Variants in POU3F3 observed in about 807,000 individuals in gnomAD.
The protein encoded by POU3F3 is POU class 3 homeobox 3, also known as POU domain, class 3, transcription factor 3.
Under a neutral mutation model 8.6 loss-of-function variants are expected in POU3F3, and 1 was observed. That is an observed-to-expected ratio of 0.12 (90% CI 0.04 to 0.55). POU3F3 has a LOEUF of 0.55. Ranked by LOEUF, POU3F3 falls within the 20% of genes least tolerant of loss-of-function variation. The pLI is 0.91. For synonymous variants in POU3F3, 418 were observed against 327.4 expected (o/e 1.28, Z -2.99); for missense variants, 577 against 690.7 (o/e 0.84, Z 1.84).
chr2:104,891,943 C>T, the POU3F3 span, among the ~76,000 whole-genome samples: 2 of 152,138 alleles, frequency 1.3e-5, no homozygotes, highest in Non-Finnish European at 2.9e-5. Context: ...GCCTAAAGCG[C>T]ATTATGCTTA....
the POU3F3 span, among the ~76,000 whole-genome samples, chr2:104,873,904 AGAGGAAG>A: frequency 6.6e-6 from 1 of 152,174 alleles, no homozygotes; most frequent in Non-Finnish European, 1.5e-5. Context: ...GGCGCACAGA[AGAGGAAG>A]GATCGTTTTG....
chr2:104,872,718 C>A, the POU3F3 span: 2 of 208,540 alleles, frequency 9.6e-6, no homozygotes, highest in East Asian at 3.3e-4. This position sits in a 1 kb window ranked among gnomAD's most constrained non-coding sequence, Gnocchi z 4.6. Context: ...ACCTACCGCG[C>A]GGGAAAGTTC....
chr2:104,858,818 G>T (rs985370481), downstream of POU3F3, among the ~76,000 whole-genome samples: 1 of 152,154 alleles, frequency 6.6e-6, no homozygotes, highest in African/African-American at 2.4e-5. Context: ...TTTAGTGGAT[G>T]TCTTTAGTGT....
At chr2:104,864,806 T>C in the POU3F3 span, among the ~76,000 whole-genome samples, 1 of 152,222 alleles carries the variant, frequency 6.6e-6, no homozygotes, top group Admixed American at 6.5e-5. Context: ...AATAACCTTT[T>C]AAAATAGATG....
chr2:104,855,410 A>T lies in POU3F3; in HGVS notation c.-101A>T, dbSNP rs1304525731. The T allele has an allele frequency of 7.7e-5, 24 of 312,728 alleles. No homozygotes were observed. Among genetic ancestry groups the T allele is most frequent in the Non-Finnish European group, 8.3e-5 (23 of 276,032 alleles). The allele number at this position is 312,728 out of a possible 1,614,324, so 19.4% of individuals were successfully genotyped here. A position where few individuals can be genotyped will look rare whatever the true frequency, so the allele number is the denominator to read the frequency against. The stretch of plus-strand genomic sequence containing the variant: ...GGGAAGGAGGGGGGGAGGAGGCGGG[A>T]GGCGGGGGGCGCGGCGGCGGCGGCG... On this transcript the variant is annotated 5_prime_UTR_variant, in exon 1 of 1. Transcript: ENST00000361360.
chr2:104,897,100 A>G, the POU3F3 span, among the ~76,000 whole-genome samples: 1 of 152,202 alleles, frequency 6.6e-6, no homozygotes, highest in Non-Finnish European at 1.5e-5. Flanking sequence ...GTCCAGAAGT[A>G]GAGGAATTGG....
the POU3F3 span, among the ~76,000 whole-genome samples, chr2:104,924,263 G>C: frequency 2.0e-5 from 3 of 152,222 alleles, no homozygotes; most frequent in Non-Finnish European, 4.4e-5. Flanking sequence ...CCTATGGAAA[G>C]ATGATGTTAC....
At chr2:104,896,609 G>A in the POU3F3 span, among the ~76,000 whole-genome samples, 1 of 148,216 alleles carries the variant, frequency 6.7e-6, no homozygotes, top group African/African-American at 2.5e-5. Flanking sequence ...AGGAAAGGCT[G>A]AGGTTGTGCA....
chr2:104,922,757 T>C, the POU3F3 span, among the ~76,000 whole-genome samples: 2 of 152,092 alleles, frequency 1.3e-5, no homozygotes, highest in East Asian at 1.9e-4. Flanking sequence ...GAAGAAATAA[T>C]GACCAAAAAC....
chr2:104,899,445 C>T, the POU3F3 span, among the ~76,000 whole-genome samples: 1 of 152,176 alleles, frequency 6.6e-6, no homozygotes, highest in Non-Finnish European at 1.5e-5. Context: ...AAGCCTGAAA[C>T]ACAGCTCTCT....
the POU3F3 span, among the ~76,000 whole-genome samples, chr2:104,913,773 C>T: frequency 6.6e-6 from 1 of 152,204 alleles, no homozygotes; most frequent in Non-Finnish European, 1.5e-5. Flanking sequence ...GAGCCTGATA[C>T]ATCTTCACAT....
At chr2:104,888,495 G>A in the POU3F3 span, among the ~76,000 whole-genome samples, 14 of 152,114 alleles carry the variant, frequency 9.2e-5, no homozygotes, top group Admixed American at 4.6e-4. Flanking sequence ...GTTGTTGATC[G>A]AGGATCTCTG....
chr2:104,872,466 C>T, the POU3F3 span: 1 of 401,806 alleles, frequency 2.5e-6, no homozygotes. The surrounding 1 kb of genome is among the most constrained non-coding windows in gnomAD (Gnocchi z 4.6). Context: ...GAAATGAACG[C>T]GACGGCCCGT....
the POU3F3 span, among the ~76,000 whole-genome samples, chr2:104,873,622 C>T: frequency 6.6e-6 from 1 of 152,214 alleles, no homozygotes; most frequent in African/African-American, 2.4e-5. Flanking sequence ...TCTTGGGCGC[C>T]ATCTAACGGG....
At chr2:104,909,141 A>G in the POU3F3 span, among the ~76,000 whole-genome samples, 1 of 152,244 alleles carries the variant, frequency 6.6e-6, no homozygotes, top group South Asian at 2.1e-4. Flanking sequence ...AAATAAAATT[A>G]ATCGTGTAAC....
chr2:104,863,446 C>T (rs1481567083), downstream of POU3F3, among the ~76,000 whole-genome samples: 7 of 152,098 alleles, frequency 4.6e-5, no homozygotes, highest in Admixed American at 3.9e-4. Context: ...GCCTGTGGGT[C>T]TCTGCGCGAC....
downstream of POU3F3, among the ~76,000 whole-genome samples, chr2:104,862,618 G>C (rs1175896803): frequency 6.6e-6 from 1 of 152,180 alleles, no homozygotes; most frequent in Non-Finnish European, 1.5e-5. Context: ...TGCTCGGCCC[G>C]GCACGGCCGG....
chr2:104,883,438 T>A, the POU3F3 span, among the ~76,000 whole-genome samples: 1 of 152,256 alleles, frequency 6.6e-6, no homozygotes, highest in Non-Finnish European at 1.5e-5. Context: ...GCACACACAT[T>A]GGTCTCTCAT....
chr2:104,870,950 C>A, the POU3F3 span, among the ~76,000 whole-genome samples: 9 of 152,222 alleles, frequency 5.9e-5, no homozygotes, highest in Non-Finnish European at 1.5e-5. Context: ...AAGCTAAAGG[C>A]ATTTCAACCC....
Sources: gnomAD v4.1 joint callset for allele counts (sites outside exome capture counted in the v4.1 genomes callset) on GRCh38, gnomAD v4.1.1 for gene constraint, Gnocchi (gnomAD v3.1) non-coding constraint, MANE v1.5 for transcripts, NCBI Gene and HGNC (gene_info 2026-07-23, HGNC 2026-07-21) for gene names.